Variants in CUL1 observed in about 807,000 individuals in gnomAD.
CUL1 encodes the protein cullin 1.
CUL1 carries 24 observed loss-of-function variants against 118.0 expected under a neutral mutation model. That is an observed-to-expected ratio of 0.20 (90% CI 0.15 to 0.29). The LOEUF (loss-of-function observed/expected upper bound fraction) is 0.29. Ranked by LOEUF, CUL1 falls within the 10% of genes least tolerant of loss-of-function variation. The pLI, the probability that CUL1 is intolerant of heterozygous loss-of-function variation, is 1.00. For missense variants in CUL1, 361 were observed against 933.8 expected (o/e 0.39, Z 7.99); for synonymous variants, 332 against 340.4 (o/e 0.98, Z 0.27).
At position 148,756,975 on chromosome 7, in the gene CUL1, G is replaced by T. The variant is rs758938640; in HGVS notation, c.316-8G>T. 1.1e-5 allele frequency: 17 copies of T among 1,566,366 alleles called. No homozygotes were observed. Among genetic ancestry groups the T allele is most frequent in the Non-Finnish European group, 1.5e-5 (17 of 1,157,088 alleles). ...GTCATCTTAAAGCTTTAGTTAACTTGTTTTTAGGATGGAGAAGATTTGATG... is the reference window on the plus strand; with the variant it reads ...GTCATCTTAAAGCTTTAGTTAACTTTTTTTTAGGATGGAGAAGATTTGATG... On this transcript the variant is annotated splice_region_variant and splice_polypyrimidine_tract_variant and intron_variant, in intron 3 of 21. Coordinates refer to ENST00000325222, the MANE Select transcript of CUL1 (RefSeq NM_003592.3).
chr7:148,716,574 C>T (rs932909751), intron 1 of CUL1, among the ~76,000 whole-genome samples: 3 of 152,218 alleles, frequency 2.0e-5, no homozygotes, highest in African/African-American at 7.2e-5. Flanking sequence ...TTTTCTCCTT[C>T]CGCCATGGGT....
At chr7:148,702,437 G>A (rs901826056) in intron 1 of CUL1, among the ~76,000 whole-genome samples, 2 of 152,162 alleles carry the variant, frequency 1.3e-5, no homozygotes, top group African/African-American at 2.4e-5. Flanking sequence ...CTTAGGCCCC[G>A]AAAGTATGTG....
upstream of CUL1, chr7:148,697,806 ACCC>A (rs1367607196): frequency 6.6e-6 from 1 of 151,876 alleles, no homozygotes; most frequent in African/African-American, 2.4e-5. Flanking sequence ...CGCTTCCTCC[ACCC>A]CCCGTCACCA....
At chr7:148,797,248 G>C (rs1326928861) in intron 17 of CUL1, among the ~76,000 whole-genome samples, 1 of 152,148 alleles carries the variant, frequency 6.6e-6, no homozygotes, top group East Asian at 1.9e-4. Context: ...CAGTGTCCAA[G>C]ATGAGCTGTC....
chr7:148,764,010 GT>G (rs150548606), intron 7 of CUL1, among the ~76,000 whole-genome samples: 4,834 of 152,218 alleles, frequency 0.032, 271 homozygotes, highest in African/African-American at 0.11. Flanking sequence ...CCATGTTAGT[GT>G]TTCTAAAAGA....
At chr7:148,749,634 C>G (rs1394904302) in intron 2 of CUL1, among the ~76,000 whole-genome samples, 2 of 152,110 alleles carry the variant, frequency 1.3e-5, no homozygotes, top group Non-Finnish European at 2.9e-5. Context: ...GGCCATTCCC[C>G]CATCTCTCTT....
At chr7:148,739,894 A>G (rs182900656) in intron 2 of CUL1, among the ~76,000 whole-genome samples, 15 of 152,238 alleles carry the variant, frequency 9.9e-5, no homozygotes, top group Admixed American at 7.9e-4. Flanking sequence ...TAACTTTTGT[A>G]TATGGTGTAC....
rs746777462 is a variant in CUL1, at chr7:148,776,307, CTTTTTTTTTTT to C, written c.1084-7459_1084-7449del. 1.6e-3 allele frequency among the ~76,000 whole-genome samples: 65 copies of C among 40,690 alleles called. 2 individuals carry two copies. Among genetic ancestry groups the C allele is most frequent in the Non-Finnish European group, 2.5e-3 (60 of 24,320 alleles). The allele number at this position is 40,690 out of a possible 152,430, so 26.7% of individuals were successfully genotyped here. On this transcript the variant is annotated intron_variant, in intron 9 of 21. Transcript: ENST00000325222. ...CATTTTGGAGTCTAACATAACCAGGCTTTTTTTTTTTTTTTTTTTTTTTTTTTGAGATGGAG... is the reference window on the plus strand; with the variant it reads ...CATTTTGGAGTCTAACATAACCAGGCTTTTTTTTTTTTTTTTGAGATGGAG...
intron 1 of CUL1, among the ~76,000 whole-genome samples, chr7:148,707,234 T>G (rs998727103): frequency 4.6e-5 from 7 of 152,176 alleles, no homozygotes; most frequent in Admixed American, 1.3e-4. Flanking sequence ...TTTTTTCTCT[T>G]GGAACGAGCA....
intron 1 of CUL1, among the ~76,000 whole-genome samples, chr7:148,713,599 T>C (rs1032161957): frequency 6.6e-6 from 1 of 152,230 alleles, no homozygotes; most frequent in Non-Finnish European, 1.5e-5. Context: ...AATTGTTTTC[T>C]AATTCCTAAG....
At chr7:148,739,546 T>G (rs1799073905) in intron 2 of CUL1, among the ~76,000 whole-genome samples, 1 of 152,232 alleles carries the variant, frequency 6.6e-6, no homozygotes, top group Non-Finnish European at 1.5e-5. Context: ...TTTTGTAAAG[T>G]GTCCAAGTCT....
intron 2 of CUL1, among the ~76,000 whole-genome samples, chr7:148,747,659 C>T (rs996815472): frequency 6.6e-6 from 1 of 152,150 alleles, no homozygotes; most frequent in African/African-American, 2.4e-5. Context: ...TTAAGCTGAG[C>T]TCTGGATATA....
At chr7:148,786,514 G>A in intron 11 of CUL1, 37 bp from the exon 12 acceptor site, 1 of 1,537,342 alleles carries the variant, frequency 6.5e-7, no homozygotes, top group South Asian at 1.1e-5. Context: ...TAAACGTACT[G>A]ATGTTTTAAA....
chr7:148,797,742 T>A (rs2129463793), intron 17 of CUL1, 70 bp from the exon 18 acceptor site: 1 of 1,101,644 alleles, frequency 9.1e-7, no homozygotes, highest in East Asian at 2.4e-5. Context: ...ACTGTGAGGT[T>A]GCCTGTGGTG....
intron 2 of CUL1, among the ~76,000 whole-genome samples, chr7:148,732,345 ATTTTTTTT>A (rs34013582): frequency 3.0e-5 from 4 of 134,890 alleles, no homozygotes; most frequent in African/African-American, 1.1e-4. Context: ...TAAGTCATCC[ATTTTTTTT>A]TTTTTTTTTT....
At chr7:148,744,479 T>C (rs1382991433) in intron 2 of CUL1, among the ~76,000 whole-genome samples, 2 of 150,098 alleles carry the variant, frequency 1.3e-5, no homozygotes, top group Non-Finnish European at 3.0e-5. Context: ...AAGGATATAA[T>C]ACACATTTTT....
intron 17 of CUL1, among the ~76,000 whole-genome samples, chr7:148,793,595 A>C (rs1471712180): frequency 2.0e-5 from 3 of 152,190 alleles, no homozygotes; most frequent in Non-Finnish European, 4.4e-5. Context: ...ACTGTTTGCA[A>C]GGTTTGCCCA....
At chr7:148,781,659 C>G (rs1800637691) in intron 9 of CUL1, among the ~76,000 whole-genome samples, 1 of 152,168 alleles carries the variant, frequency 6.6e-6, no homozygotes, top group African/African-American at 2.4e-5. Context: ...AGAGACATCA[C>G]TGGTTCAGAG....
chr7:148,787,428 C>G lies in CUL1; in HGVS notation c.1479+308C>G, dbSNP rs1040318809. On this transcript the variant is annotated intron_variant, in intron 13 of 21. Coordinates refer to ENST00000325222, the MANE Select transcript of CUL1 (RefSeq NM_003592.3). The surrounding 1 kb of genome is among the most constrained non-coding windows in gnomAD (Gnocchi z 5.5). ...GGTGAGCCGAGATCACACCACTACA[C>G]TCCAGCCTGGGCAACAGAGTGAGAC... 1.3e-5 allele frequency among the ~76,000 whole-genome samples: 2 copies of G among 152,148 alleles called. No homozygotes were observed. The highest frequency in any genetic ancestry group is 4.8e-5 in the African/African-American group (2 of 41,430).
Sources: allele counts gnomAD v4.1 joint callset (sites outside exome capture counted in the v4.1 genomes callset), GRCh38; gene constraint gnomAD v4.1.1; non-coding constraint Gnocchi (gnomAD v3.1); transcripts MANE v1.5; gene names NCBI Gene and HGNC (gene_info 2026-07-23, HGNC 2026-07-21).